The following UBE2J2 variants were observed in gnomAD, a reference collection of about 807,000 sequenced individuals.
UBE2J2 encodes the protein ubiquitin-conjugating enzyme E2 J2.
A neutral mutation model predicts 28.6 loss-of-function variants in UBE2J2; 5 were observed. The ratio of observed to expected loss-of-function variants is 0.17; its 90% CI spans 0.09 to 0.37. The LOEUF is 0.37. UBE2J2 is among the 10% of genes least tolerant of loss of function. The probability of loss-of-function intolerance (pLI) is 1.00; values close to 1 mark genes in which losing one functional copy is unlikely to be tolerated. For missense variants in UBE2J2, 226 were observed against 338.9 expected, an observed-to-expected ratio of 0.67 and a Z score of 2.62; for synonymous variants, 138 against 139.7, an observed-to-expected ratio of 0.99 and a Z score of 0.09.
chr1:1,266,049 T>A, intron 2 of UBE2J2: 1 of 1,303,120 alleles, frequency 7.7e-7, no homozygotes, highest in Non-Finnish European at 1.0e-6. Context: ...AATGAAGACG[T>A]CCTCGCAACC....
chr1:1,255,957 T>C (rs1639150515), intron 6 of UBE2J2, 88 bp downstream of exon 6: 1 of 1,012,460 alleles, frequency 9.9e-7, no homozygotes, highest in African/African-American at 1.6e-5. Flanking sequence ...GTCTGCAGCT[T>C]CAGGACACAG....
chr1:1,261,422 C>T (rs2101056090), intron 3 of UBE2J2, among the ~76,000 whole-genome samples: 1 of 152,330 alleles, frequency 6.6e-6, no homozygotes, highest in South Asian at 2.1e-4. Flanking sequence ...CTGGCAACGG[C>T]CGCACCACAC....
chr1:1,258,238 T>G (rs992938864), intron 3 of UBE2J2, among the ~76,000 whole-genome samples: 3 of 151,976 alleles, frequency 2.0e-5, no homozygotes, highest in African/African-American at 7.3e-5. Context: ...AGACGGGGTT[T>G]CACCGTGTTA....
At chr1:1,270,060 T>A (rs1393103211) in intron 1 of UBE2J2, among the ~76,000 whole-genome samples, 2 of 152,312 alleles carry the variant, frequency 1.3e-5, no homozygotes, top group Admixed American at 6.5e-5. Flanking sequence ...TATAAGGCAG[T>A]GTTCCCTGCT....
chr1:1,269,008 G>A (rs1640015885), intron 1 of UBE2J2, among the ~76,000 whole-genome samples: 1 of 152,204 alleles, frequency 6.6e-6, no homozygotes, highest in Admixed American at 6.5e-5. Flanking sequence ...AAGCCTCAAG[G>A]CAGATCATAT....
At chr1:1,263,454 A>G in intron 2 of UBE2J2, 68 bp from the exon 3 acceptor site, 1 of 1,443,816 alleles carries the variant, frequency 6.9e-7, no homozygotes. Context: ...AATCATTCCA[A>G]GCCTGGGGTT....
chr1:1,255,951 G>A, intron 6 of UBE2J2, 94 bp downstream of exon 6: 2 of 948,948 alleles, frequency 2.1e-6, no homozygotes, highest in South Asian at 1.4e-5. Context: ...GGGGAGGTCT[G>A]CAGCTTCAGG....
In UBE2J2 at chr1:1,268,126, G is replaced by C. The variant is rs979156875; in HGVS notation, c.1-134C>G. 27 of 1,262,426 alleles carry C rather than the reference G, an allele frequency of 2.1e-5. No individual in the cohort carries two copies. The Middle Eastern group carries it at 1.1e-3, about 52-fold the overall frequency. 78.2% of individuals were successfully genotyped at this position (1,262,426 alleles called of 1,614,324 possible). On this transcript the variant is annotated intron_variant, in intron 1 of 6. Transcript: ENST00000349431. This position sits in a 1 kb window ranked among gnomAD's most constrained non-coding sequence, Gnocchi z 4.7. ...CGGTCACCCAGAGTCACAGCTCACA[G>C]GTCACCCTCGCTTGCCACCCGCCCA...
intron 1 of UBE2J2, chr1:1,273,279 T>A (rs1225091042): frequency 2.0e-5 from 3 of 152,194 alleles, no homozygotes; most frequent in Non-Finnish European, 4.4e-5. Flanking sequence ...TCTCGGGGTT[T>A]ACGGGGCAGT....
At chr1:1,265,651 T>TG (rs1639819003) in intron 2 of UBE2J2, among the ~76,000 whole-genome samples, 1 of 71,324 alleles carries the variant, frequency 1.4e-5, no homozygotes, top group African/African-American at 5.0e-5. Context: ...GTGTGTGTGG[T>TG]GGAGTCTCAC....
intron 2 of UBE2J2, 149 bp downstream of exon 2, chr1:1,267,713 C>T: frequency 6.7e-7 from 1 of 1,492,888 alleles, no homozygotes; most frequent in Admixed American, 2.2e-5. Context: ...TGTCCACAGG[C>T]CCCTGGGCAC....
At chr1:1,255,922 G>A in intron 6 of UBE2J2, 123 bp downstream of exon 6, 1 of 757,688 alleles carries the variant, frequency 1.3e-6, no homozygotes, top group Non-Finnish European at 2.3e-6. Flanking sequence ...GGGCTCCTGG[G>A]GGAGAGGAGC....
At chr1:1,259,167 T>C (rs1459810702) in intron 3 of UBE2J2, among the ~76,000 whole-genome samples, 1 of 150,636 alleles carries the variant, frequency 6.6e-6, no homozygotes, top group African/African-American at 2.5e-5. Context: ...CGTGTCTGAG[T>C]GTGTGCATGC....
intron 3 of UBE2J2, among the ~76,000 whole-genome samples, chr1:1,257,674 T>A (rs189953503): frequency 3.3e-5 from 5 of 151,338 alleles, no homozygotes; most frequent in Non-Finnish European, 7.4e-5. Flanking sequence ...GGAAGAGGCA[T>A]GCAGGGCCTC....
intron 6 of UBE2J2, 40 bp downstream of exon 6, chr1:1,256,005 T>C: frequency 7.2e-7 from 1 of 1,390,546 alleles, no homozygotes; most frequent in Non-Finnish European, 1.0e-6. Flanking sequence ...TCAAGTGTTT[T>C]AACGCAGGGG....
chr1:1,260,109 C>T (rs942288468), intron 3 of UBE2J2, among the ~76,000 whole-genome samples: 5 of 152,142 alleles, frequency 3.3e-5, no homozygotes, highest in Non-Finnish European at 7.3e-5. Context: ...GGCTGGCATT[C>T]GAGGACACGC....
intron 2 of UBE2J2, among the ~76,000 whole-genome samples, chr1:1,267,540 C>T (rs1639937660): frequency 6.6e-6 from 1 of 152,234 alleles, no homozygotes; most frequent in South Asian, 2.1e-4. Context: ...GACCCCTCCC[C>T]TAAGGACCCC....
Position 1,257,188 on chromosome 1 carries a change from G to C in UBE2J2, c.275+20C>G, listed in dbSNP as rs200525351. 1.7e-5 allele frequency: 27 copies of C among 1,601,992 alleles called. No homozygotes were observed. Among genetic ancestry groups the C allele is most frequent in the Non-Finnish European group, 2.3e-5 (27 of 1,172,042 alleles). ...CCCACCGCAGCCAGAAAGCCTCCGC[G>C]GCCCCTCCAGGCACCTTACCTGGTG... On this transcript the variant is annotated intron_variant, in intron 4 of 6. Coordinates refer to ENST00000349431, the MANE Select transcript of UBE2J2 (RefSeq NM_058167.3).
At position 1,268,094 on chromosome 1, in the gene UBE2J2, C is replaced by T; in HGVS notation, c.1-102G>A. ...CCGCCTCTGCAGCCCGCCATTCATT[C>T]AGGGCCCGGTCACCCAGAGTCACAG... On this transcript the variant is annotated intron_variant, in intron 1 of 6. Coordinates refer to ENST00000349431, the MANE Select transcript of UBE2J2 (RefSeq NM_058167.3). The surrounding 1 kb of genome is among the most constrained non-coding windows in gnomAD (Gnocchi z 4.7). 1.3e-6 allele frequency: 2 copies of T among 1,499,718 alleles called. No individual in the cohort carries two copies. The highest frequency in any genetic ancestry group is 1.8e-6 in the Non-Finnish European group (2 of 1,094,878). The allele number at this position is 1,499,718 out of a possible 1,614,324, so 92.9% of individuals were successfully genotyped here.
Sources: allele counts gnomAD v4.1 joint callset (sites outside exome capture counted in the v4.1 genomes callset), GRCh38; gene constraint gnomAD v4.1.1; non-coding constraint Gnocchi (gnomAD v3.1); transcripts MANE v1.5; gene names NCBI Gene and HGNC (gene_info 2026-07-23, HGNC 2026-07-21).